The following NRG3 variants were observed in gnomAD, a reference collection of about 807,000 sequenced individuals.
NRG3 encodes the protein pro-neuregulin-3, membrane-bound isoform.
Under a neutral mutation model 66.9 loss-of-function variants are expected in NRG3, and 31 were observed. That is an observed-to-expected ratio of 0.46 (90% CI 0.35 to 0.63). The LOEUF (loss-of-function observed/expected upper bound fraction) is 0.63, where lower values mean the gene tolerates loss of function less well. Ranked by LOEUF, NRG3 falls within the 20% of genes least tolerant of loss-of-function variation. The probability of loss-of-function intolerance (pLI) is 0.00; values close to 1 mark genes in which losing one functional copy is unlikely to be tolerated. For synonymous variants in NRG3, 393 were observed against 359.4 expected (o/e 1.09, Z -1.06); for missense variants, 910 against 878.9 (o/e 1.04, Z -0.45).
chr10:82,357,882 G>A (rs1166718732), intron 1 of NRG3, among the ~76,000 whole-genome samples: 1 of 152,122 alleles, frequency 6.6e-6, no homozygotes, highest in Non-Finnish European at 1.5e-5. Flanking sequence ...CTTAAGCATT[G>A]AATAATTTTT....
At chr10:82,533,348 C>G (rs73309861) in intron 2 of NRG3, among the ~76,000 whole-genome samples, 2,024 of 152,114 alleles carry the variant, frequency 0.013, 43 homozygotes, top group African/African-American at 0.046. Context: ...GGTATTATAT[C>G]TGTGAAAATA....
chr10:82,114,723 T>C (rs976811199), intron 1 of NRG3, among the ~76,000 whole-genome samples: 1 of 152,178 alleles, frequency 6.6e-6, no homozygotes, highest in African/African-American at 2.4e-5. Context: ...TTGCCCCTGC[T>C]TAAACAAGAT....
At chr10:82,158,384 G>T (rs2071333313) in intron 1 of NRG3, among the ~76,000 whole-genome samples, 1 of 151,590 alleles carries the variant, frequency 6.6e-6, no homozygotes, top group South Asian at 2.1e-4. Context: ...ATGTCTGTTG[G>T]TCTATGGTGT....
intron 2 of NRG3, among the ~76,000 whole-genome samples, chr10:82,670,505 G>A (rs1051308869): frequency 3.9e-5 from 6 of 152,048 alleles, no homozygotes; most frequent in Non-Finnish European, 8.8e-5. Context: ...TAGAGTTTTG[G>A]AGAGAGAGTA....
intron 2 of NRG3, among the ~76,000 whole-genome samples, chr10:82,601,920 C>G (rs181525598): frequency 3.6e-4 from 52 of 143,048 alleles, no homozygotes; most frequent in African/African-American, 1.3e-3. Context: ...ATATATAAAA[C>G]TATATATATA....
At chr10:82,780,463 CTT>C (rs1007056127) in intron 3 of NRG3, among the ~76,000 whole-genome samples, 1 of 122,210 alleles carries the variant, frequency 8.2e-6, no homozygotes, top group Non-Finnish European at 1.7e-5. Context: ...CATTGCGCCT[CTT>C]TTTTTTTTTC....
intron 1 of NRG3, among the ~76,000 whole-genome samples, chr10:81,923,011 A>C (rs1846396683): frequency 1.3e-5 from 2 of 152,224 alleles, no homozygotes; most frequent in Admixed American, 1.3e-4. Flanking sequence ...AAATGTTTTC[A>C]GTGGTGGTTA....
At chr10:82,645,810 T>C (rs921902791) in intron 2 of NRG3, among the ~76,000 whole-genome samples, 3 of 152,174 alleles carry the variant, frequency 2.0e-5, no homozygotes, top group Non-Finnish European at 4.4e-5. Flanking sequence ...CTTTCATTTT[T>C]CCAAATCCCT....
chr10:82,674,687 G>A (rs1368654612), intron 2 of NRG3, among the ~76,000 whole-genome samples: 2 of 152,132 alleles, frequency 1.3e-5, no homozygotes, highest in Admixed American at 6.5e-5. Flanking sequence ...AGTACATTCA[G>A]GTAAAGTGAG....
At chr10:82,682,400 G>GATAT (rs760211089) in intron 2 of NRG3, among the ~76,000 whole-genome samples, 1 of 86,012 alleles carries the variant, frequency 1.2e-5, no homozygotes, top group Non-Finnish European at 2.6e-5. Context: ...TAGATAGACA[G>GATAT]ATAGATAGAT....
At chr10:82,891,161 AAG>A (rs945358165) in intron 4 of NRG3, among the ~76,000 whole-genome samples, 73 of 151,754 alleles carry the variant, frequency 4.8e-4, no homozygotes, top group African/African-American at 1.6e-3. Context: ...TTTAAAAAGA[AAG>A]AAAAAAATGA....
At chr10:82,166,885 GTT>G in intron 1 of NRG3, 2 of 579,994 alleles carry the variant, frequency 3.4e-6, no homozygotes, top group Non-Finnish European at 6.3e-6. Context: ...TTTCTCAGTA[GTT>G]TTTTTTTATT....
intron 3 of NRG3, among the ~76,000 whole-genome samples, chr10:82,832,944 C>T (rs978235122): frequency 6.6e-6 from 1 of 152,024 alleles, no homozygotes; most frequent in African/African-American, 2.4e-5. Context: ...CGAGTACAAA[C>T]CTGTGCTCAG....
chr10:82,261,583 CAAAG>C (rs1294240932), intron 1 of NRG3, among the ~76,000 whole-genome samples: 1 of 152,036 alleles, frequency 6.6e-6, no homozygotes, highest in African/African-American at 2.4e-5. Flanking sequence ...CTGAGAGCCC[CAAAG>C]AGAGATTTAC....
intron 6 of NRG3, among the ~76,000 whole-genome samples, chr10:82,963,924 G>A (rs544341632): frequency 3.4e-4 from 52 of 152,166 alleles, no homozygotes; most frequent in African/African-American, 1.3e-3. Context: ...AGCTATTTTT[G>A]GTAGAGTTTT....
chr10:82,192,014 C>G (rs958269991), intron 1 of NRG3, among the ~76,000 whole-genome samples: 2 of 152,274 alleles, frequency 1.3e-5, no homozygotes, highest in African/African-American at 4.8e-5. Flanking sequence ...CCCATCAATG[C>G]AAAATACTGA....
At chr10:82,969,008 A>G (rs1851478546) in intron 6 of NRG3, among the ~76,000 whole-genome samples, 1 of 152,152 alleles carries the variant, frequency 6.6e-6, no homozygotes, top group Admixed American at 6.5e-5. Context: ...ATTCACTACC[A>G]TGAGAACAGT....
chr10:82,191,241 T>A (rs1471084745), intron 1 of NRG3, among the ~76,000 whole-genome samples: 2 of 152,180 alleles, frequency 1.3e-5, no homozygotes, highest in African/African-American at 4.8e-5. Context: ...ATCCTTAATT[T>A]TTTTAGTCTA....
intron 1 of NRG3, among the ~76,000 whole-genome samples, chr10:82,081,544 T>C (rs1297511963): frequency 6.6e-6 from 1 of 152,262 alleles, no homozygotes; most frequent in Non-Finnish European, 1.5e-5. Flanking sequence ...TCGCCCTAGG[T>C]TAACAGTCTT....
Sources: allele counts gnomAD v4.1 joint callset (sites outside exome capture counted in the v4.1 genomes callset), GRCh38; gene constraint gnomAD v4.1.1; transcripts MANE v1.5; gene names NCBI Gene and HGNC (gene_info 2026-07-23, HGNC 2026-07-21).